ERAP1: variants seen among roughly 807,000 people sequenced by gnomAD.
ERAP1 encodes the protein endoplasmic reticulum aminopeptidase 1, also known as adipocyte-derived leucine aminopeptidase.
ERAP1 carries 86 observed loss-of-function variants against 103.7 expected under a neutral mutation model. That is an observed-to-expected ratio of 0.83 (90% CI 0.70 to 0.99). The LOEUF is 0.99. Among genes scored for constraint, ERAP1 ranks in the 50% least tolerant of loss-of-function variants. The pLI is 0.00. For synonymous variants in ERAP1, 398 were observed against 402.4 expected, an observed-to-expected ratio of 0.99 and a Z score of 0.13; for missense variants, 1,009 against 1,128.4, an observed-to-expected ratio of 0.89 and a Z score of 1.52.
Position 96,776,328 on chromosome 5 carries a change from A to AGTT in ERAP1, c.*65_*67dup. 1 of 1,560,800 alleles carries AGTT rather than the reference A, an allele frequency of 6.4e-7. No individual in the cohort carries two copies. The highest frequency in any genetic ancestry group is 1.9e-5 in the Admixed American group (1 of 52,032). Reference sequence around the variant, plus strand: ...AGTTGGAGCCAAAACAGCCATCTCTAGTTTGAAAATACACTCAACAAAATG... The same window carrying AGTT: ...AGTTGGAGCCAAAACAGCCATCTCTAGTTGTTTGAAAATACACTCAACAAAATG... On this transcript the variant is annotated 3_prime_UTR_variant, in exon 19 of 19. Transcript: ENST00000443439.
intron 14 of ERAP1, 54 bp downstream of exon 14, chr5:96,783,870 T>A (rs1775611313): frequency 3.1e-6 from 4 of 1,280,082 alleles, no homozygotes; most frequent in East Asian, 2.6e-5. Flanking sequence ...CACACAATGA[T>A]TAACACTTTT....
At chr5:96,791,238 T>C (rs1385948505) in intron 8 of ERAP1, among the ~76,000 whole-genome samples, 1 of 152,176 alleles carries the variant, frequency 6.6e-6, no homozygotes, top group Non-Finnish European at 1.5e-5. Flanking sequence ...TTACCACGGA[T>C]GGTGAGTCAC....
the ERAP1 span, among the ~76,000 whole-genome samples, chr5:96,912,450 A>T: frequency 6.6e-6 from 1 of 152,176 alleles, no homozygotes; most frequent in South Asian, 2.1e-4. Flanking sequence ...AGGAGATAAA[A>T]CACAAATAAT....
intron 12 of ERAP1, among the ~76,000 whole-genome samples, 191 bp downstream of exon 12, chr5:96,786,279 T>A (rs1037966331): frequency 6.6e-6 from 1 of 152,212 alleles, no homozygotes; most frequent in African/African-American, 2.4e-5. Context: ...ATCCCTCCTT[T>A]TTAGCATTAT....
chr5:96,770,859 C>A (rs1214785939), downstream of ERAP1, among the ~76,000 whole-genome samples: 1 of 152,042 alleles, frequency 6.6e-6, no homozygotes, highest in Non-Finnish European at 1.5e-5. Flanking sequence ...GTCTTTCTTG[C>A]CCTAATTAAA....
the ERAP1 span, among the ~76,000 whole-genome samples, chr5:96,858,085 G>C: frequency 2.0e-5 from 3 of 152,316 alleles, no homozygotes; most frequent in East Asian, 5.8e-4. Context: ...AGGCTGAACC[G>C]TGGATTCTAC....
the ERAP1 span, among the ~76,000 whole-genome samples, chr5:96,825,563 C>T: frequency 6.6e-6 from 1 of 152,160 alleles, no homozygotes; most frequent in East Asian, 1.9e-4. Flanking sequence ...GAGAACTTGA[C>T]CTATAGCATG....
At chr5:96,858,949 G>A in the ERAP1 span, among the ~76,000 whole-genome samples, 1 of 151,940 alleles carries the variant, frequency 6.6e-6, no homozygotes, top group Admixed American at 6.6e-5. Context: ...TCACAAAACA[G>A]TTCCAAGAAC....
the ERAP1 span, among the ~76,000 whole-genome samples, chr5:96,820,872 C>A: frequency 6.6e-6 from 1 of 152,148 alleles, no homozygotes; most frequent in Non-Finnish European, 1.5e-5. Flanking sequence ...AGCTCTAAAT[C>A]TGTATAAACA....
rs1208214132 is a variant in ERAP1 at position 96,774,598 on chromosome 5, A to G, written c.*1798T>C. The G allele has an allele frequency of 9.1e-6, 9 of 985,566 alleles. No homozygotes were observed. Among genetic ancestry groups the G allele is most frequent in the East Asian group, 1.1e-4 (1 of 8,950 alleles). The allele number at this position is 985,566 out of a possible 1,614,324, so 61.1% of individuals were successfully genotyped here. A position where few individuals can be genotyped will look rare whatever the true frequency, so the allele number is the denominator to read the frequency against. ...AAAAGCAAACAAAGATAGGTTCCTCAGGTGACCAAAACTGAAAATCAATAT... is the reference window on the plus strand; with the variant it reads ...AAAAGCAAACAAAGATAGGTTCCTCGGGTGACCAAAACTGAAAATCAATAT... On this transcript the variant is annotated 3_prime_UTR_variant, in exon 19 of 19. Coordinates refer to ENST00000443439, the MANE Select transcript of ERAP1 (RefSeq NM_001040458.3).
chr5:96,803,993 T>C (rs2151002269), intron 1 of ERAP1, 50 bp from the exon 2 acceptor site: 2 of 1,566,338 alleles, frequency 1.3e-6, no homozygotes, highest in East Asian at 2.2e-5. Flanking sequence ...TAAAATGTTA[T>C]TGACACAGCA....
the ERAP1 span, chr5:96,919,608 T>A: frequency 6.6e-6 from 1 of 152,204 alleles, no homozygotes; most frequent in African/African-American, 2.4e-5. Context: ...TTCTAAAGAA[T>A]TGAGTACAGA....
intron 15 of ERAP1, among the ~76,000 whole-genome samples, chr5:96,782,074 G>A (rs1365253377): frequency 1.3e-5 from 2 of 148,664 alleles, no homozygotes; most frequent in Non-Finnish European, 3.0e-5. Flanking sequence ...GCCGTGGCTC[G>A]ATATCGGTTC....
chr5:96,813,785 A>C, the ERAP1 span, among the ~76,000 whole-genome samples: 1 of 152,160 alleles, frequency 6.6e-6, no homozygotes, highest in Non-Finnish European at 1.5e-5. Context: ...GCTAAAAGAA[A>C]TTCTAAAAGA....
intron 3 of ERAP1, 129 bp downstream of exon 3, chr5:96,800,733 A>G (rs1777894417): frequency 1.0e-6 from 1 of 995,750 alleles, no homozygotes; most frequent in Non-Finnish European, 1.6e-6. Flanking sequence ...TTATAAATGA[A>G]AAGTTAGTAA....
intron 19 of ERAP1, chr5:96,765,259 C>G (rs764611052): frequency 1.2e-6 from 2 of 1,604,148 alleles, no homozygotes; most frequent in Admixed American, 1.7e-5. Context: ...TGGATAAACT[C>G]TCTGACAGTC....
At chr5:96,856,365 T>TATAG in the ERAP1 span, among the ~76,000 whole-genome samples, 12 of 20,386 alleles carry the variant, frequency 5.9e-4, no homozygotes, top group African/African-American at 1.5e-3. Flanking sequence ...TATATATATA[T>TATAG]AGAGAGAGAG....
the ERAP1 span, among the ~76,000 whole-genome samples, chr5:96,840,997 C>T: frequency 1.3e-5 from 2 of 152,184 alleles, no homozygotes; most frequent in Non-Finnish European, 2.9e-5. Flanking sequence ...AGCCACTGCG[C>T]CCGGCCAGGC....
the ERAP1 span, among the ~76,000 whole-genome samples, chr5:96,928,367 A>T: frequency 1.3e-5 from 2 of 152,314 alleles, no homozygotes; most frequent in East Asian, 3.9e-4. Flanking sequence ...GTTGTTGCAG[A>T]TGTATTAGTT....
Sources: gnomAD v4.1 joint callset for allele counts (sites outside exome capture counted in the v4.1 genomes callset) on GRCh38, gnomAD v4.1.1 for gene constraint, MANE v1.5 for transcripts, NCBI Gene and HGNC (gene_info 2026-07-23, HGNC 2026-07-21) for gene names.